The following EEFSEC variants were observed in gnomAD, a reference collection of about 807,000 sequenced individuals.
EEFSEC encodes the protein eukaryotic elongation factor, selenocysteine-tRNA specific.
Under a neutral mutation model 42.1 loss-of-function variants are expected in EEFSEC, and 43 were observed. That is an observed-to-expected ratio of 1.02 (90% CI 0.80 to 1.32). EEFSEC has a LOEUF of 1.32. Ranked by LOEUF, EEFSEC falls within the 40% of genes most tolerant of loss-of-function variation. The probability of loss-of-function intolerance (pLI) is 0.00; values close to 1 mark genes in which losing one functional copy is unlikely to be tolerated. For synonymous variants in EEFSEC, 354 were observed against 339.1 expected (o/e 1.04, Z -0.48); for missense variants, 745 against 803.6 (o/e 0.93, Z 0.88).
rs1183329385 is a variant in EEFSEC, at chr3:128,269,713, A to C, written c.786+4932A>C. 4.6e-5 allele frequency among the ~76,000 whole-genome samples: 7 copies of C among 152,352 alleles called. No individual in the cohort carries two copies. The East Asian group carries it at 1.4e-3, about 29-fold the overall frequency. On this transcript the variant is annotated intron_variant, in intron 4 of 6. Coordinates refer to ENST00000254730, the MANE Select transcript of EEFSEC (RefSeq NM_021937.5). ...GCTGGGGCCAATTAGCTGAGCAAGA[A>C]AATGTTGGGGAACAGGGAGTGAAGG...
intron 1 of EEFSEC, among the ~76,000 whole-genome samples, chr3:128,175,478 G>A (rs892638131): frequency 2.6e-5 from 4 of 152,168 alleles, no homozygotes; most frequent in Non-Finnish European, 4.4e-5. Context: ...TGGGGAAGAC[G>A]AGCGTAGGTG....
At chr3:128,388,476 G>A (rs1344197175) in intron 6 of EEFSEC, among the ~76,000 whole-genome samples, 1 of 152,256 alleles carries the variant, frequency 6.6e-6, no homozygotes, top group Non-Finnish European at 1.5e-5. Flanking sequence ...TCCACGCTCT[G>A]TAACTGCCGT....
intron 6 of EEFSEC, among the ~76,000 whole-genome samples, chr3:128,390,265 C>T (rs1004552943): frequency 2.6e-5 from 4 of 152,226 alleles, no homozygotes; most frequent in Non-Finnish European, 2.9e-5. Context: ...TTCATCCTCT[C>T]ACCTGTCCGC....
the EEFSEC span, among the ~76,000 whole-genome samples, chr3:128,417,230 C>T: frequency 1.3e-5 from 2 of 152,112 alleles, no homozygotes; most frequent in Non-Finnish European, 2.9e-5. The surrounding 1 kb of genome is among the most constrained non-coding windows in gnomAD (Gnocchi z 4.3). Flanking sequence ...CCCTCTCGCC[C>T]GCACCTTCCT....
chr3:128,392,834 T>A (rs1334283615), intron 6 of EEFSEC, among the ~76,000 whole-genome samples: 3 of 152,218 alleles, frequency 2.0e-5, no homozygotes, highest in Non-Finnish European at 2.9e-5. Context: ...GTCTGCTGGC[T>A]CCACGTGCCC....
rs762896998 is a variant in EEFSEC, at chr3:128,408,178, G to A, written c.1710G>A (p.Glu570=). The change falls in exon 7 of 7, where the codon GAG becomes GAA. Residue 570 remains glutamate (E), a synonymous_variant. Transcript: ENST00000254730. ...AGGAGGAGAGCGCCGAGCGGAGCGA[G>A]CCCTCACAGCATGTGGTGCTCAGCC... ...TRQEESAERS[E]PSQHVVLSLT... The A allele has an allele frequency of 6.2e-7, 1 of 1,612,954 alleles. No homozygotes were observed. The highest frequency in any genetic ancestry group is 1.1e-5 in the South Asian group (1 of 90,964).
intron 4 of EEFSEC, among the ~76,000 whole-genome samples, chr3:128,273,932 G>A (rs2066440618): frequency 6.6e-6 from 1 of 152,202 alleles, no homozygotes; most frequent in South Asian, 2.1e-4. Flanking sequence ...AGCATCTAGA[G>A]TCCCACTTGG....
intron 4 of EEFSEC, among the ~76,000 whole-genome samples, chr3:128,310,748 G>A (rs2066881457): frequency 6.6e-6 from 1 of 152,200 alleles, no homozygotes; most frequent in African/African-American, 2.4e-5. Context: ...AAAACCACTG[G>A]TCTTAATGCA....
intron 6 of EEFSEC, among the ~76,000 whole-genome samples, chr3:128,396,402 C>T (rs1353630596): frequency 6.6e-6 from 1 of 152,100 alleles, no homozygotes; most frequent in Middle Eastern, 3.2e-3. Context: ...CCATTTCTAC[C>T]TCTCAATGAT....
At chr3:128,309,807 G>C (rs1241778035) in intron 4 of EEFSEC, among the ~76,000 whole-genome samples, 1 of 152,190 alleles carries the variant, frequency 6.6e-6, no homozygotes, top group East Asian at 1.9e-4. Context: ...TGCAGGAAGG[G>C]CCTGGACACA....
chr3:128,296,778 T>C (rs1299020616), intron 4 of EEFSEC, among the ~76,000 whole-genome samples: 1 of 152,216 alleles, frequency 6.6e-6, no homozygotes, highest in Non-Finnish European at 1.5e-5. Context: ...AAGACACGAT[T>C]TGGATTTGTC....
chr3:128,251,112 T>TC (rs2066182513), intron 2 of EEFSEC, among the ~76,000 whole-genome samples: 1 of 152,034 alleles, frequency 6.6e-6, no homozygotes, highest in Admixed American at 6.5e-5. Context: ...TGCTGAGTCC[T>TC]CCCCCCATCT....
chr3:128,309,474 G>T (rs1242060166), intron 4 of EEFSEC, among the ~76,000 whole-genome samples: 1 of 152,194 alleles, frequency 6.6e-6, no homozygotes, highest in Non-Finnish European at 1.5e-5. Flanking sequence ...GCTTACTGGG[G>T]CCATGTACAT....
chr3:128,384,154 C>T (rs2067810334), intron 6 of EEFSEC, among the ~76,000 whole-genome samples: 1 of 152,192 alleles, frequency 6.6e-6, no homozygotes, highest in Non-Finnish European at 1.5e-5. Context: ...TACTGAGTTC[C>T]ATCTTGGAGG....
At chr3:128,225,133 T>G (rs895538434) in intron 1 of EEFSEC, among the ~76,000 whole-genome samples, 1 of 152,240 alleles carries the variant, frequency 6.6e-6, no homozygotes, top group African/African-American at 2.4e-5. Flanking sequence ...AGAAGAGCTC[T>G]TTTCTGGAAG....
chr3:128,409,781 G>A (rs1284238808), downstream of EEFSEC, among the ~76,000 whole-genome samples: 1 of 152,222 alleles, frequency 6.6e-6, no homozygotes, highest in Admixed American at 6.5e-5. Flanking sequence ...GGACTGCAGT[G>A]GCCCCTCTCC....
At chr3:128,156,992 C>G (rs1944392197) in intron 1 of EEFSEC, among the ~76,000 whole-genome samples, 1 of 152,156 alleles carries the variant, frequency 6.6e-6, no homozygotes, top group Non-Finnish European at 1.5e-5. Context: ...CCTCTTACAC[C>G]ACACCAAACA....
intron 1 of EEFSEC, among the ~76,000 whole-genome samples, chr3:128,176,617 AG>A (rs904218579): frequency 1.7e-4 from 26 of 152,234 alleles, no homozygotes; most frequent in African/African-American, 5.5e-4. Context: ...TTAATACTAA[AG>A]GAAAAAAATG....
In EEFSEC at chr3:128,371,965, G is replaced by A. The variant is rs181882415; in HGVS notation, c.1600+13592G>A. 5.3e-5 allele frequency among the ~76,000 whole-genome samples: 8 copies of A among 152,302 alleles called. No homozygotes were observed. In the East Asian group the frequency reaches 7.7e-4, roughly 15 times the overall value. ...AGGGAGGCTCTGTCCAGCCTGGTGC[G>A]GACCAGGAGTGCAGGATCTTTACTG... On this transcript the variant is annotated intron_variant, in intron 6 of 6. Transcript: ENST00000254730.
Sources: gnomAD v4.1 joint callset for allele counts (sites outside exome capture counted in the v4.1 genomes callset) on GRCh38, gnomAD v4.1.1 for gene constraint, Gnocchi (gnomAD v3.1) non-coding constraint, MANE v1.5 for transcripts, NCBI Gene and HGNC (gene_info 2026-07-23, HGNC 2026-07-21) for gene names.